Variants in MINDY3 observed in about 807,000 individuals in gnomAD.
MINDY3 encodes the protein ubiquitin carboxyl-terminal hydrolase MINDY-3.
MINDY3 carries 38 observed loss-of-function variants against 69.2 expected under a neutral mutation model. The ratio of observed to expected loss-of-function variants is 0.55; its 90% confidence interval spans 0.42 to 0.72. MINDY3 has a LOEUF of 0.72. Ranked by LOEUF, MINDY3 falls within the 30% of genes least tolerant of loss-of-function variation. The pLI, the probability that MINDY3 is intolerant of heterozygous loss-of-function variation, is 0.00. For synonymous variants in MINDY3, 192 were observed against 180.1 expected, an observed-to-expected ratio of 1.07 and a Z score of -0.53; for missense variants, 522 against 519.0, an observed-to-expected ratio of 1.01 and a Z score of -0.06.
rs557847091 is a variant in MINDY3, at chr10:15,780,467, A to G, written c.1189-1326T>C. On this transcript the variant is annotated intron_variant, in intron 14 of 14. Coordinates refer to ENST00000277632, the MANE Select transcript of MINDY3 (RefSeq NM_024948.4). The stretch of plus-strand genomic sequence containing the variant: ...AATTCAAGTTATTAAGTTAAATACA[A>G]TCGGCCCTATTTTTCACAAAGAACT... Among the ~76,000 whole-genome samples the G allele has an allele frequency of 6.6e-5, 10 of 152,342 alleles. No homozygotes were observed. The East Asian group carries it at 7.7e-4, about 12-fold the overall frequency.
At chr10:15,839,449 C>A (rs2132079939) in intron 4 of MINDY3, among the ~76,000 whole-genome samples, 1 of 151,736 alleles carries the variant, frequency 6.6e-6, no homozygotes, top group East Asian at 1.9e-4. Flanking sequence ...GAGGGGAAAA[C>A]ACTTTACATT....
intron 4 of MINDY3, among the ~76,000 whole-genome samples, chr10:15,838,776 T>C (rs1464477322): frequency 1.3e-5 from 2 of 151,800 alleles, no homozygotes; most frequent in African/African-American, 4.8e-5. Context: ...TTTCCTCATT[T>C]ATTTGTATAA....
chr10:15,840,153 C>A (rs1385231064), intron 4 of MINDY3, among the ~76,000 whole-genome samples: 3 of 151,624 alleles, frequency 2.0e-5, no homozygotes, highest in Non-Finnish European at 4.4e-5. Context: ...ATTCCTCTTT[C>A]AAAATTTTAA....
In MINDY3 at chr10:15,789,227, A is replaced by C. The variant is rs1234715365; in HGVS notation, c.1028+20T>G. 6.3e-7 allele frequency: 1 copy of C among 1,580,268 alleles called. No homozygotes were observed. Among genetic ancestry groups the C allele is most frequent in the Admixed American group, 1.7e-5 (1 of 59,468 alleles). On this transcript the variant is annotated intron_variant, in intron 12 of 14. Coordinates refer to ENST00000277632, the MANE Select transcript of MINDY3 (RefSeq NM_024948.4). ...CGAATCTTTTTGAGTTGGCTAAATAACACTTCCTATTTAGCTTACTATTCA... is the reference window on the plus strand; with the variant it reads ...CGAATCTTTTTGAGTTGGCTAAATACCACTTCCTATTTAGCTTACTATTCA...
chr10:15,796,007 T>C (rs1407900681), intron 11 of MINDY3, 93 bp downstream of exon 11: 1 of 937,182 alleles, frequency 1.1e-6, no homozygotes, highest in Non-Finnish European at 1.7e-6. Context: ...CATTAAATAA[T>C]CCAATATATC....
rs1387698530 is a variant in MINDY3, at chr10:15,860,248, T to G, written c.52A>C (p.Ser18Arg). The change falls in exon 1 of 15, where the codon AGC (serine) becomes CGC (arginine). Residue 18 changes from serine (S) to arginine (R), a missense_variant. Physicochemically the swap from Ser to Arg is moderately radical, Grantham distance 110. Coordinates refer to ENST00000277632, the MANE Select transcript of MINDY3 (RefSeq NM_024948.4). ...AAAATGGTGTCCGAGAGACCGGGGC[T>G]GCTCTTGGTGCCCCACACCAGCTCC... Reference protein sequence around the residue: ...LMELVWGTKSSPGLSDTIFCR... With the variant: ...LMELVWGTKSRPGLSDTIFCR... The G allele has an allele frequency of 3.1e-6, 5 of 1,610,938 alleles. No individual in the cohort carries two copies. The highest frequency in any genetic ancestry group is 4.2e-6 in the Non-Finnish European group (5 of 1,178,780).
chr10:15,815,055 C>T (rs1183130393), intron 10 of MINDY3, among the ~76,000 whole-genome samples: 2 of 152,028 alleles, frequency 1.3e-5, no homozygotes, highest in Admixed American at 6.6e-5. Flanking sequence ...AATTAGTTTT[C>T]CTTAAAGAAT....
At chr10:15,798,512 T>C (rs570499213) in intron 10 of MINDY3, among the ~76,000 whole-genome samples, 26 of 151,784 alleles carry the variant, frequency 1.7e-4, no homozygotes, top group Admixed American at 1.4e-3. Context: ...GCACGGTGTG[T>C]CACGCCTGTA....
intron 8 of MINDY3, among the ~76,000 whole-genome samples, chr10:15,832,581 A>C (rs1240163675): frequency 2.0e-5 from 3 of 152,198 alleles, no homozygotes; most frequent in Non-Finnish European, 4.4e-5. Context: ...TCACTGTTTA[A>C]ACTCTGACCT....
chr10:15,800,466 C>G (rs1838180108), intron 10 of MINDY3, among the ~76,000 whole-genome samples: 1 of 152,054 alleles, frequency 6.6e-6, no homozygotes, highest in Admixed American at 6.6e-5. Flanking sequence ...GCTCAGAGCA[C>G]AAGTATGGCG....
intron 7 of MINDY3, 129 bp from the exon 8 acceptor site, chr10:15,833,838 C>T (rs147679511): frequency 1.4e-5 from 9 of 664,470 alleles, no homozygotes; most frequent in African/African-American, 9.1e-5. Context: ...TAGGGAAAAC[C>T]TTACATTTTC....
chr10:15,814,817 C>T (rs1400420901), intron 10 of MINDY3, among the ~76,000 whole-genome samples: 1 of 152,042 alleles, frequency 6.6e-6, no homozygotes, highest in Non-Finnish European at 1.5e-5. Flanking sequence ...GAAGAGTGTA[C>T]TCATAAAAAG....
At chr10:15,838,580 T>C (rs1833247336) in intron 4 of MINDY3, among the ~76,000 whole-genome samples, 1 of 151,730 alleles carries the variant, frequency 6.6e-6, no homozygotes, top group Admixed American at 6.6e-5. Flanking sequence ...GTGCCTCACA[T>C]ATCATAATGT....
intron 10 of MINDY3, among the ~76,000 whole-genome samples, chr10:15,804,110 C>T (rs913896567): frequency 6.6e-6 from 1 of 152,054 alleles, no homozygotes; most frequent in East Asian, 1.9e-4. Flanking sequence ...CTGATATAAT[C>T]ACATGATTTT....
Position 15,789,270 on chromosome 10 carries a change from C to T in MINDY3, c.1005G>A (p.Leu335=). The T allele has an allele frequency of 6.2e-7, 1 of 1,611,310 alleles. No homozygotes were observed. Among genetic ancestry groups the T allele is most frequent in the Non-Finnish European group, 8.5e-7 (1 of 1,178,360 alleles). ...DSLLEDVMKA[L]DLVSDPEYIN... Reference sequence around the variant, plus strand: ...ACTATTCAGGATCTGAAACAAGGTCCAATGCTTTCATCACATCTTCCAGAA... The same window carrying T: ...ACTATTCAGGATCTGAAACAAGGTCTAATGCTTTCATCACATCTTCCAGAA... The change falls in exon 12 of 15, where the codon TTG becomes TTA. Residue 335 remains leucine (L), a synonymous_variant. Transcript: ENST00000277632.
chr10:15,848,744 T>A (rs558494620), intron 1 of MINDY3, among the ~76,000 whole-genome samples: 1 of 151,606 alleles, frequency 6.6e-6, no homozygotes, highest in African/African-American at 2.4e-5. Context: ...CCAACCAGCA[T>A]TGACTGATAG....
chr10:15,819,246 ACTTC>A (rs1413560740), intron 9 of MINDY3, among the ~76,000 whole-genome samples: 1 of 152,222 alleles, frequency 6.6e-6, no homozygotes, highest in African/African-American at 2.4e-5. Flanking sequence ...AAGCTCAATG[ACTTC>A]CTTAATGCCA....
chr10:15,835,639 G>A (rs568732482), intron 6 of MINDY3, among the ~76,000 whole-genome samples: 1 of 152,010 alleles, frequency 6.6e-6, no homozygotes, highest in African/African-American at 2.4e-5. Flanking sequence ...AAACAGAGGA[G>A]GTATCAAACG....
chr10:15,846,580 G>A lies in MINDY3; in HGVS notation c.174+1284C>T, dbSNP rs1403861531. Among the ~76,000 whole-genome samples, 7 of 151,844 alleles carry A rather than the reference G, an allele frequency of 4.6e-5. No individual in the cohort carries two copies. The South Asian group carries it at 1.5e-3, about 32-fold the overall frequency. On this transcript the variant is annotated intron_variant, in intron 2 of 14. Coordinates refer to ENST00000277632, the MANE Select transcript of MINDY3 (RefSeq NM_024948.4). ...AAAAAGTCAACTTAAAAAAATAAAT[G>A]ATCTATAAAAGATATTTTGGAATCA... is the stretch of plus-strand genomic sequence containing the variant.
Sources: allele counts gnomAD v4.1 joint callset (sites outside exome capture counted in the v4.1 genomes callset), GRCh38; gene constraint gnomAD v4.1.1; transcripts MANE v1.5; gene names NCBI Gene and HGNC (gene_info 2026-07-23, HGNC 2026-07-21).